Variants in NCAM2 observed in about 807,000 individuals in gnomAD.
NCAM2 encodes the protein neural cell adhesion molecule 2.
In NCAM2, 30 loss-of-function variants were observed where a neutral mutation model predicts 98.1. That is an observed-to-expected ratio of 0.31 (90% CI 0.23 to 0.41). The LOEUF (loss-of-function observed/expected upper bound fraction) is 0.41. Ranked by LOEUF, NCAM2 falls within the 10% of genes least tolerant of loss-of-function variation. The pLI is 1.00. For synonymous variants in NCAM2, 368 were observed against 342.4 expected, an observed-to-expected ratio of 1.07 and a Z score of -0.83; for missense variants, 867 against 1,005.8, an observed-to-expected ratio of 0.86 and a Z score of 1.87.
chr21:21,023,173 A>C (rs1215144331), intron 1 of NCAM2, among the ~76,000 whole-genome samples: 1 of 152,202 alleles, frequency 6.6e-6, no homozygotes, highest in Non-Finnish European at 1.5e-5. Flanking sequence ...GAAAGGAATA[A>C]GATGGGATAT....
chr21:21,475,602 A>G (rs758756946), intron 14 of NCAM2, among the ~76,000 whole-genome samples: 16 of 152,184 alleles, frequency 1.1e-4, no homozygotes, highest in Non-Finnish European at 1.9e-4. Context: ...GAAAAGTTAC[A>G]ACCTCTCTTC....
chr21:21,308,852 C>CT (rs1393104303), intron 5 of NCAM2, among the ~76,000 whole-genome samples: 2 of 150,970 alleles, frequency 1.3e-5, no homozygotes, highest in Non-Finnish European at 3.0e-5. Flanking sequence ...CCTTTTTTTC[C>CT]TTTTTGTATT....
intron 10 of NCAM2, among the ~76,000 whole-genome samples, chr21:21,416,674 G>A (rs1247456988): frequency 6.6e-6 from 1 of 152,068 alleles, no homozygotes; most frequent in African/African-American, 2.4e-5. Context: ...TATTTTCAAT[G>A]CTTTGCACAT....
chr21:21,067,302 T>C (rs56142654), intron 1 of NCAM2, among the ~76,000 whole-genome samples: 25,738 of 151,844 alleles, frequency 0.17, 2,392 homozygotes, highest in Non-Finnish European at 0.19. Flanking sequence ...ATAAACTTCA[T>C]AAACAAGTAT....
intron 1 of NCAM2, among the ~76,000 whole-genome samples, chr21:21,144,287 T>G (rs374156676): frequency 1.3e-3 from 191 of 151,772 alleles, no homozygotes; most frequent in Middle Eastern, 3.4e-3. Flanking sequence ...AGGTGGAGAT[T>G]GCAGTGAGCC....
chr21:21,534,309 G>C (rs1485358509), intron 16 of NCAM2, among the ~76,000 whole-genome samples: 1 of 151,698 alleles, frequency 6.6e-6, no homozygotes, highest in Admixed American at 6.6e-5. Flanking sequence ...ATACAGTTTT[G>C]ATGAGAAAAT....
At position 21,410,429 on chromosome 21, in the gene NCAM2, A is replaced by G; in HGVS notation, c.1351A>G (p.Thr451Ala). The change falls in exon 10 of 18, where the codon ACT (threonine) becomes GCT (alanine). Residue 451 changes from threonine to alanine, a missense_variant. Physicochemically the swap from Thr to Ala is moderately conservative, Grantham distance 58 (BLOSUM62 0). Around this residue, in one of 5 missense-constraint regions of NCAM2, gnomAD observed 56 missense variants for 39.6 expected, o/e 1.41. Transcript: ENST00000400546. ...LPAKNTTNLK[T>A]YSTGRKMILE... ...TGCTAAAAACACGACCAATTTAAAG[A>G]CTTATAGTACAGGAAGAAAGATGAT... 1 of 1,577,454 alleles carries G rather than the reference A, an allele frequency of 6.3e-7. No individual in the cohort carries two copies. The highest frequency in any genetic ancestry group is 1.2e-5 in the South Asian group (1 of 84,622).
intron 1 of NCAM2, among the ~76,000 whole-genome samples, chr21:21,063,467 C>T (rs113764121): frequency 0.037 from 5,647 of 151,884 alleles, 330 homozygotes; most frequent in African/African-American, 0.13. Context: ...GTGATCCACC[C>T]GCCTCAGCCT....
At chr21:21,451,277 A>G (rs1293084551) in intron 12 of NCAM2, among the ~76,000 whole-genome samples, 3 of 152,188 alleles carry the variant, frequency 2.0e-5, no homozygotes, top group African/African-American at 7.2e-5. Flanking sequence ...TCAAACATCT[A>G]TAAATTATCA....
intron 1 of NCAM2, among the ~76,000 whole-genome samples, chr21:21,279,081 G>T (rs980647855): frequency 2.0e-5 from 3 of 152,078 alleles, no homozygotes; most frequent in Non-Finnish European, 4.4e-5. Context: ...CTTCTGAATG[G>T]TTTTTGTGAT....
chr21:21,494,752 T>A (rs974445659), intron 15 of NCAM2, among the ~76,000 whole-genome samples: 1 of 151,742 alleles, frequency 6.6e-6, no homozygotes, highest in African/African-American at 2.4e-5. Context: ...AGATATTTTG[T>A]TGTGCAAAGA....
intron 12 of NCAM2, among the ~76,000 whole-genome samples, chr21:21,437,930 G>C (rs1012774211): frequency 4.2e-5 from 6 of 142,746 alleles, no homozygotes; most frequent in African/African-American, 1.6e-4. Flanking sequence ...ATATATATTT[G>C]AATACTAAGG....
intron 1 of NCAM2, among the ~76,000 whole-genome samples, chr21:21,029,914 C>T (rs1299295805): frequency 6.6e-6 from 1 of 152,126 alleles, no homozygotes; most frequent in African/African-American, 2.4e-5. Flanking sequence ...GTGGTGTGAG[C>T]CACCACAGCC....
chr21:21,265,393 C>CATATATATGTG (rs1568856851), intron 1 of NCAM2, among the ~76,000 whole-genome samples: 75 of 370 alleles, frequency 0.2, 2 homozygotes, highest in African/African-American at 0.22. Context: ...TATGTACACA[C>CATATATATGTG]CATATATTAT....
At chr21:21,209,679 A>G (rs1178602099) in intron 1 of NCAM2, among the ~76,000 whole-genome samples, 6 of 141,096 alleles carry the variant, frequency 4.3e-5, no homozygotes, top group Admixed American at 2.1e-4. Context: ...ATAGTCTGCT[A>G]TCATGAAAGC....
intron 1 of NCAM2, among the ~76,000 whole-genome samples, chr21:21,012,272 T>A (rs2064226012): frequency 6.6e-6 from 1 of 152,158 alleles, no homozygotes; most frequent in South Asian, 2.1e-4. Context: ...ATTGTTTAGA[T>A]TAGTGTAATT....
At chr21:21,228,072 A>G (rs1456179218) in intron 1 of NCAM2, among the ~76,000 whole-genome samples, 1 of 151,778 alleles carries the variant, frequency 6.6e-6, no homozygotes, top group African/African-American at 2.4e-5. Flanking sequence ...AGGGTTAGAA[A>G]GATATGCATC....
At chr21:21,074,666 G>C (rs901810523) in intron 1 of NCAM2, among the ~76,000 whole-genome samples, 1 of 152,162 alleles carries the variant, frequency 6.6e-6, no homozygotes, top group African/African-American at 2.4e-5. Context: ...TTTTGCTTCC[G>C]CAGAATCTAG....
intron 16 of NCAM2, among the ~76,000 whole-genome samples, chr21:21,530,105 ATAATTTAATT>A (rs1217804744): frequency 1.4e-5 from 2 of 145,350 alleles, no homozygotes; most frequent in African/African-American, 2.5e-5. Context: ...TTAATTATAT[ATAATTTAATT>A]TAATTTAATT....
Sources: allele counts gnomAD v4.1 joint callset (sites outside exome capture counted in the v4.1 genomes callset), GRCh38; gene constraint gnomAD v4.1.1; regional missense constraint gnomAD v4.1.1; transcripts MANE v1.5; gene names NCBI Gene and HGNC (gene_info 2026-07-23, HGNC 2026-07-21).